The following SLC9B1 variants were observed in gnomAD, a reference collection of about 807,000 sequenced individuals.
SLC9B1 encodes solute carrier family 9 member B1.
Under a neutral mutation model 51.7 loss-of-function variants are expected in SLC9B1, and 32 were observed. The ratio of observed to expected loss-of-function variants is 0.62; its 90% CI spans 0.47 to 0.83. SLC9B1 has a LOEUF of 0.83. SLC9B1 is among the 40% of genes least tolerant of loss of function. SLC9B1 has a pLI of 0.00. For synonymous variants in SLC9B1, 145 were observed against 212.7 expected (o/e 0.68, Z 2.77); for missense variants, 406 against 613.2 (o/e 0.66, Z 3.57).
Position 102,991,654 on chromosome 4 carries a change from T to A in SLC9B1, c.58A>T (p.Thr20Ser). The A allele has an allele frequency of 6.3e-7, 1 of 1,586,960 alleles. No homozygotes were observed. The highest frequency in any genetic ancestry group is 8.6e-7 in the Non-Finnish European group (1 of 1,164,410). Reference protein sequence around the residue: ...HLEDENFQTSTTPQSLIDPNN... With the variant: ...HLEDENFQTSSTPQSLIDPNN... The stretch of plus-strand genomic sequence containing the variant: ...TTTTAAGTTTTTACCTGAGGAGTTG[T>A]AGATGTTTGGAAGTTTTCATCCTCC... The change falls in exon 2 of 12, where the codon ACA becomes TCA. Residue 20 changes from threonine (T) to serine (S), a missense_variant. Thr to Ser is a moderately conservative substitution (Grantham distance 58, BLOSUM62 1). This residue lies in a region of SLC9B1 where 108 missense variants were observed against 94.5 expected (regional missense o/e 1.14). Transcript: ENST00000296422.
At chr4:102,963,120 C>T in intron 3 of SLC9B1, 1 of 365,440 alleles carries the variant, frequency 2.7e-6, no homozygotes, top group South Asian at 2.1e-5. Flanking sequence ...GATTAAAACT[C>T]AGTAAGGAGC....
chr4:102,906,192 C>T (rs1364180474), intron 10 of SLC9B1: 1 of 162,110 alleles, frequency 6.2e-6, no homozygotes, highest in Admixed American at 6.4e-5. Flanking sequence ...GCTTCGGCCT[C>T]CCAAAGTAAG....
At chr4:102,918,846 T>C (rs908801943) in intron 7 of SLC9B1, among the ~76,000 whole-genome samples, 2 of 152,182 alleles carry the variant, frequency 1.3e-5, no homozygotes, top group Admixed American at 6.5e-5. Context: ...TATTTTGTTA[T>C]AGCAGCAGGA....
chr4:102,958,491 T>A (rs1737918490), intron 3 of SLC9B1, among the ~76,000 whole-genome samples: 2 of 152,108 alleles, frequency 1.3e-5, no homozygotes, highest in African/African-American at 4.8e-5. Context: ...CTCTAAAAAA[T>A]TTAAGCAAAA....
chr4:102,929,208 A>C (rs1462046004), intron 7 of SLC9B1, among the ~76,000 whole-genome samples: 1 of 152,210 alleles, frequency 6.6e-6, no homozygotes, highest in Non-Finnish European at 1.5e-5. Flanking sequence ...ATTTTTCTTT[A>C]ATATACAAGC....
chr4:103,001,186 C>T (rs1740506023), intron 1 of SLC9B1, among the ~76,000 whole-genome samples: 1 of 152,206 alleles, frequency 6.6e-6, no homozygotes, highest in African/African-American at 2.4e-5. Flanking sequence ...GGAACCAAGT[C>T]CTGAGAGTGC....
chr4:102,999,427 T>C (rs1319687822), intron 1 of SLC9B1, among the ~76,000 whole-genome samples: 1 of 152,252 alleles, frequency 6.6e-6, no homozygotes, highest in Non-Finnish European at 1.5e-5. Context: ...TTTAATATTT[T>C]TAGTTTTTAT....
chr4:102,968,694 G>A (rs895637914), intron 3 of SLC9B1, among the ~76,000 whole-genome samples: 5 of 152,234 alleles, frequency 3.3e-5, no homozygotes, highest in African/African-American at 1.2e-4. Flanking sequence ...AGTGGGTGCA[G>A]CCCACAGAGG....
intron 7 of SLC9B1, among the ~76,000 whole-genome samples, chr4:102,922,323 C>A (rs952470924): frequency 1.8e-4 from 27 of 152,042 alleles, no homozygotes; most frequent in Non-Finnish European, 3.2e-4. Flanking sequence ...GGGTAAATAA[C>A]AAAATGAAGG....
At chr4:102,971,029 A>T (rs944021173) in intron 3 of SLC9B1, among the ~76,000 whole-genome samples, 3 of 152,196 alleles carry the variant, frequency 2.0e-5, no homozygotes, top group Non-Finnish European at 2.9e-5. Flanking sequence ...ACATCCACAC[A>T]ATAATAATGA....
intron 6 of SLC9B1, among the ~76,000 whole-genome samples, chr4:102,934,763 C>CAAAAAAAAA (rs772664880): frequency 8.7e-6 from 1 of 115,582 alleles, no homozygotes; most frequent in Non-Finnish European, 1.9e-5. Context: ...GACTCTGTCA[C>CAAAAAAAAA]AAAAAAAAAA....
At chr4:102,978,905 C>T (rs1021479100) in intron 3 of SLC9B1, among the ~76,000 whole-genome samples, 1 of 152,120 alleles carries the variant, frequency 6.6e-6, no homozygotes, top group African/African-American at 2.4e-5. Context: ...TTTTTATTTG[C>T]TCTCTAGTAT....
intron 7 of SLC9B1, among the ~76,000 whole-genome samples, chr4:102,915,757 A>G (rs1411360347): frequency 1.3e-5 from 2 of 152,262 alleles, no homozygotes; most frequent in African/African-American, 2.4e-5. Flanking sequence ...TTATGTGAAT[A>G]AACAATATAA....
intron 1 of SLC9B1, among the ~76,000 whole-genome samples, chr4:102,992,778 G>A (rs1421080934): frequency 6.6e-6 from 1 of 152,124 alleles, no homozygotes; most frequent in African/African-American, 2.4e-5. Flanking sequence ...CCATTTTCAT[G>A]CAGCTATGAA....
At chr4:102,935,446 A>G (rs557882584) in intron 6 of SLC9B1, among the ~76,000 whole-genome samples, 7 of 152,362 alleles carry the variant, frequency 4.6e-5, no homozygotes, top group African/African-American at 1.4e-4. Context: ...GTGTATATCA[A>G]ACTAAAAATG....
At chr4:102,901,475 C>G in intron 11 of SLC9B1, 143 bp from the exon 12 acceptor site, 1 of 999,614 alleles carries the variant, frequency 1.0e-6, no homozygotes. Context: ...ATAAGTTACT[C>G]ATCAGTTCCA....
chr4:102,932,116 T>C lies in SLC9B1; in HGVS notation c.829+8A>G, dbSNP rs761861833. On this transcript the variant is annotated splice_region_variant and intron_variant, in intron 7 of 11. Coordinates refer to ENST00000296422, the MANE Select transcript of SLC9B1 (RefSeq NM_139173.4). ...ATGATCTAGTGGTTGTTATATTTTC[T>C]TGTTTACCTGAGGAAAAGACTATGC... The C allele has an allele frequency of 1.1e-5, 17 of 1,611,514 alleles. 1 individual carries two copies. In the South Asian group the frequency reaches 1.3e-4, roughly 13 times the overall value.
chr4:102,903,398 A>C (rs1305440924), intron 11 of SLC9B1, among the ~76,000 whole-genome samples: 1 of 152,220 alleles, frequency 6.6e-6, no homozygotes, highest in Non-Finnish European at 1.5e-5. Flanking sequence ...AGAGAGTGCT[A>C]AGCACTTTAC....
At chr4:102,945,002 T>C (rs548948640) in intron 6 of SLC9B1, among the ~76,000 whole-genome samples, 191 bp downstream of exon 6, 79 of 152,320 alleles carry the variant, frequency 5.2e-4, no homozygotes, top group African/African-American at 1.9e-3. Flanking sequence ...TTAGGGGCTA[T>C]GAATGTTTGT....
Sources: allele counts gnomAD v4.1 joint callset (sites outside exome capture counted in the v4.1 genomes callset), GRCh38; gene constraint gnomAD v4.1.1; regional missense constraint gnomAD v4.1.1; transcripts MANE v1.5; gene names NCBI Gene and HGNC (gene_info 2026-07-23, HGNC 2026-07-21).